Variants in MYO9B observed in about 807,000 individuals in gnomAD.
The protein encoded by MYO9B is unconventional myosin-IXb.
Under a neutral mutation model 229.5 loss-of-function variants are expected in MYO9B, and 71 were observed. That is an observed-to-expected ratio of 0.31 (90% CI 0.26 to 0.38). The LOEUF (loss-of-function observed/expected upper bound fraction) is 0.38, where lower values mean the gene tolerates loss of function less well. MYO9B is among the 10% of genes least tolerant of loss of function. The pLI, the probability that MYO9B is intolerant of heterozygous loss-of-function variation, is 1.00. For missense variants in MYO9B, 2,255 were observed against 2,920.5 expected (o/e 0.77, Z 5.25); for synonymous variants, 1,185 against 1,235.8 (o/e 0.96, Z 0.86).
rs552245474 is a variant in MYO9B, at chr19:17,193,392, T to G, written c.3128+330T>G. ...TGCCTGGACCAGCCCAACACTCACA[T>G]GGAGCTGGGGCATCCACCGGGCACA... On this transcript the variant is annotated intron_variant, in intron 21 of 39. Coordinates refer to ENST00000682292, the MANE Select transcript of MYO9B (RefSeq NM_004145.4). The surrounding 1 kb of genome is among the most constrained non-coding windows in gnomAD (Gnocchi z 4.3). 5.0e-4 allele frequency among the ~76,000 whole-genome samples: 76 copies of G among 152,258 alleles called. No homozygotes were observed. Among genetic ancestry groups the G allele is most frequent in the African/African-American group, 1.8e-3 (75 of 41,572 alleles).
At chr19:17,210,602 T>G (rs2073215938) in intron 37 of MYO9B, 113 bp from the exon 38 acceptor site, 2 of 1,361,870 alleles carry the variant, frequency 1.5e-6, no homozygotes, top group Non-Finnish European at 2.0e-6. Context: ...GAAGTCTCAC[T>G]AAGAGCCCAG....
rs59440394 is a variant in MYO9B, at chr19:17,090,118, C to CTTTTTTTTTTTTTTTTTTTTT, written c.-58-11519_-58-11499dup. 1.4e-4 allele frequency among the ~76,000 whole-genome samples: 7 copies of CTTTTTTTTTTTTTTTTTTTTT among 49,236 alleles called. 3 individuals carry two copies. Among genetic ancestry groups the CTTTTTTTTTTTTTTTTTTTTT allele is most frequent in the Non-Finnish European group, 1.9e-4 (5 of 26,926 alleles). The allele number at this position is 49,236 out of a possible 152,430, so 32.3% of individuals were successfully genotyped here. ...TATAGCATGAATCGGTGCTTCCTTC[C>CTTTTTTTTTTTTTTTTTTTTT]TTTTTTTTTTTTTTTTTTTTTTTTT... is the stretch of plus-strand genomic sequence containing the variant. On this transcript the variant is annotated intron_variant, in intron 1 of 39. Coordinates refer to ENST00000682292, the MANE Select transcript of MYO9B (RefSeq NM_004145.4).
intron 36 of MYO9B, among the ~76,000 whole-genome samples, chr19:17,209,994 A>G (rs1309347649): frequency 2.0e-5 from 3 of 152,130 alleles, no homozygotes; most frequent in African/African-American, 7.2e-5. Flanking sequence ...GTAGGGGCAG[A>G]CTTACTGCCT....
intron 23 of MYO9B, 109 bp downstream of exon 23, chr19:17,197,967 T>C (rs1291665659): frequency 6.2e-6 from 9 of 1,447,242 alleles, no homozygotes; most frequent in Non-Finnish European, 9.5e-7. Context: ...GGCGAGAGAA[T>C]CGCTTGAACG....
intron 1 of MYO9B, among the ~76,000 whole-genome samples, chr19:17,095,149 A>C (rs1329216780): frequency 6.6e-6 from 1 of 152,178 alleles, no homozygotes; most frequent in Non-Finnish European, 1.5e-5. Flanking sequence ...AGGCTGAGGC[A>C]GGAGAATCGC....
In MYO9B at chr19:17,210,726, C is replaced by T; in HGVS notation, c.5808C>T (p.Pro1936=). ...SPYEGVLNKS[P]KTRDIQEEEL... ...CTTCTTTGTTTCAGAACAAGAGCCC[C>T]AAGACCCGGGACATCCAGGAGGAGG... is the stretch of plus-strand genomic sequence containing the variant. The change falls in exon 38 of 40, where the codon CCC becomes CCT. Residue 1936 remains proline (P), a synonymous_variant. Coordinates refer to ENST00000682292, the MANE Select transcript of MYO9B (RefSeq NM_004145.4). 1 of 1,550,380 alleles carries T rather than the reference C, an allele frequency of 6.5e-7. No homozygotes were observed. The highest frequency in any genetic ancestry group is 8.7e-7 in the Non-Finnish European group (1 of 1,147,098).
rs762946264 is a variant in MYO9B, at chr19:17,205,960, G to A, written c.5065G>A (p.Gly1689Ser). Residue 1689 changes from glycine to serine, a missense_variant and splice_region_variant, in exon 32 of 40, where the codon GGC (glycine) becomes AGC (serine). Around this residue, in one of 7 missense-constraint regions of MYO9B, gnomAD observed 416 missense variants for 605.5 expected, o/e 0.69. Transcript: ENST00000682292. Reference sequence around the variant, plus strand: ...CTGACCCCCAACCCCGGCACTGCAGGGCGAGCCAGGCGTTGAGCCTGGCCA... The same window carrying A: ...CTGACCCCCAACCCCGGCACTGCAGAGCGAGCCAGGCGTTGAGCCTGGCCA... ...SHCSYTYGRKGEPGVEPGHFG... is the reference protein window; with the variant it reads ...SHCSYTYGRKSEPGVEPGHFG... 2.1e-5 allele frequency: 32 copies of A among 1,553,760 alleles called. No homozygotes were observed. In the South Asian group the frequency reaches 3.7e-4, roughly 18 times the overall value.
At chr19:17,186,664 C>G (rs55726798) in intron 18 of MYO9B, among the ~76,000 whole-genome samples, 4 of 152,088 alleles carry the variant, frequency 2.6e-5, no homozygotes, top group Non-Finnish European at 4.4e-5. Context: ...TGGCAGCATC[C>G]CTGGCCTCCA....
rs143331120 is a variant in MYO9B at position 17,200,141 on chromosome 19, G to A, written c.4239-152G>A. 2.2e-3 allele frequency among the ~76,000 whole-genome samples: 330 copies of A among 152,328 alleles called. 2 individuals are homozygous for A. The highest frequency in any genetic ancestry group is 7.5e-3 in the African/African-American group (311 of 41,580). ...ACCCGCCTGGATCTCCCAAAGTGCT[G>A]GGATTACAGGCATAAGCCACCATGC... On this transcript the variant is annotated intron_variant, in intron 24 of 39. Transcript: ENST00000682292.
intron 35 of MYO9B, among the ~76,000 whole-genome samples, chr19:17,209,280 A>G (rs574432407): frequency 1.2e-4 from 18 of 152,300 alleles, no homozygotes; most frequent in African/African-American, 4.3e-4. Context: ...CCTGGGACAA[A>G]CTGCCCAGCA....
chr19:17,114,473 C>G (rs948535668), intron 2 of MYO9B, among the ~76,000 whole-genome samples: 3 of 152,182 alleles, frequency 2.0e-5, no homozygotes, highest in South Asian at 2.1e-4. Flanking sequence ...TGAAGCGGCC[C>G]TAGGTGCGTG....
At chr19:17,099,461 G>C (rs2057723601) in intron 1 of MYO9B, among the ~76,000 whole-genome samples, 1 of 152,052 alleles carries the variant, frequency 6.6e-6, no homozygotes, top group Non-Finnish European at 1.5e-5. Context: ...AGCCCAGATT[G>C]GCCTGGCGCA....
At chr19:17,152,528 A>C in intron 3 of MYO9B, 116 bp from the exon 4 acceptor site, 1 of 771,858 alleles carries the variant, frequency 1.3e-6, no homozygotes, top group Non-Finnish European at 2.0e-6. Context: ...GTGCCGTTGT[A>C]CTCCAGCCTG....
intron 30 of MYO9B, 40 bp downstream of exon 30, chr19:17,203,298 CCCCCACCA>C: frequency 7.0e-7 from 1 of 1,425,294 alleles, no homozygotes; most frequent in African/African-American, 1.5e-5. Context: ...CCCTCCATGT[CCCCCACCA>C]CCCCTCACTG....
intron 2 of MYO9B, among the ~76,000 whole-genome samples, chr19:17,106,152 T>C (rs1043578801): frequency 2.6e-5 from 4 of 152,100 alleles, no homozygotes; most frequent in African/African-American, 9.7e-5. Context: ...TGCACCACCA[T>C]GCCCGGCTAA....
At chr19:17,140,895 G>C (rs1265614271) in intron 2 of MYO9B, among the ~76,000 whole-genome samples, 1 of 151,452 alleles carries the variant, frequency 6.6e-6, no homozygotes, top group Non-Finnish European at 1.5e-5. Flanking sequence ...TTGGGGTCAG[G>C]AGTTCGAGAC....
chr19:17,156,202 C>T (rs1181565039), intron 6 of MYO9B, among the ~76,000 whole-genome samples: 3 of 152,008 alleles, frequency 2.0e-5, no homozygotes, highest in Non-Finnish European at 4.4e-5. Flanking sequence ...TGTTCTATTT[C>T]TTGGTCTGGG....
Position 17,178,759 on chromosome 19 carries a change from G to A in MYO9B, c.2220-2168G>A, listed in dbSNP as rs146076090. Among the ~76,000 whole-genome samples the A allele has an allele frequency of 6.8e-4, 104 of 152,132 alleles. 2 individuals are homozygous for A. In the East Asian group the frequency reaches 0.018, roughly 27 times the overall value. The stretch of plus-strand genomic sequence containing the variant: ...TAAACTAGGGTTTCTCTGGCCGGGC[G>A]CAGTGGCTCACCCCTGTAATCCCAG... On this transcript the variant is annotated intron_variant, in intron 14 of 39. Coordinates refer to ENST00000682292, the MANE Select transcript of MYO9B (RefSeq NM_004145.4).
chr19:17,152,791 C>T, intron 4 of MYO9B, 85 bp downstream of exon 4: 1 of 1,262,788 alleles, frequency 7.9e-7, no homozygotes, highest in South Asian at 1.3e-5. Context: ...AAGCAAACGT[C>T]CTGAGGTCGG....
Sources: allele counts gnomAD v4.1 joint callset (sites outside exome capture counted in the v4.1 genomes callset), GRCh38; gene constraint gnomAD v4.1.1; regional missense constraint gnomAD v4.1.1; non-coding constraint Gnocchi (gnomAD v3.1); transcripts MANE v1.5; gene names NCBI Gene and HGNC (gene_info 2026-07-23, HGNC 2026-07-21).